ARHGAP5: variants seen among roughly 807,000 people sequenced by gnomAD.
ARHGAP5 encodes the protein rho GTPase-activating protein 5.
A neutral mutation model predicts 116.6 loss-of-function variants in ARHGAP5; 23 were observed. The observed-to-expected ratio is 0.20, with a 90% CI of 0.14 to 0.28. ARHGAP5 has a LOEUF of 0.28. ARHGAP5 is among the 10% of genes least tolerant of loss of function. ARHGAP5 has a pLI of 1.00. For missense variants in ARHGAP5, 1,405 were observed against 1,774.8 expected (o/e 0.79, Z 3.74); for synonymous variants, 574 against 602.0 (o/e 0.95, Z 0.68).
In ARHGAP5 at chr14:32,143,697, T is replaced by A. The variant is rs527986660; in HGVS notation, c.3866-2566T>A. On this transcript the variant is annotated intron_variant, in intron 3 of 6. Coordinates refer to ENST00000345122, the MANE Select transcript of ARHGAP5 (RefSeq NM_001030055.2). ...CTTGGATAATTCACAGCTGGATAAT[T>A]TAGTCTGTTTTTGTTTTTTGAAATC... 1.6e-4 allele frequency among the ~76,000 whole-genome samples: 25 copies of A among 152,314 alleles called. No individual in the cohort carries two copies. The South Asian group carries it at 4.8e-3, about 29-fold the overall frequency.
intron 3 of ARHGAP5, among the ~76,000 whole-genome samples, chr14:32,118,155 G>A (rs990744866): frequency 6.6e-5 from 10 of 152,122 alleles, no homozygotes; most frequent in African/African-American, 1.4e-4. Flanking sequence ...CAGCTAAGTT[G>A]TATATATATT....
chr14:32,125,073 A>G (rs1189887878), intron 3 of ARHGAP5, among the ~76,000 whole-genome samples: 1 of 152,212 alleles, frequency 6.6e-6, no homozygotes, highest in African/African-American at 2.4e-5. Flanking sequence ...CAGGTAGTAT[A>G]TTCACAGTGT....
At chr14:32,152,913 A>G (rs536602472) in intron 6 of ARHGAP5, among the ~76,000 whole-genome samples, 17 of 152,300 alleles carry the variant, frequency 1.1e-4, no homozygotes, top group African/African-American at 4.1e-4. Flanking sequence ...TGTCTCAACT[A>G]TAAACATGAA....
chr14:32,095,171 T>A (rs1878456991), intron 2 of ARHGAP5, among the ~76,000 whole-genome samples: 1 of 152,206 alleles, frequency 6.6e-6, no homozygotes, highest in Admixed American at 6.5e-5. Context: ...CTTCATAGGT[T>A]AAGTCCATAA....
intron 4 of ARHGAP5, 61 bp downstream of exon 4, chr14:32,146,401 T>C: frequency 1.6e-6 from 2 of 1,220,338 alleles, no homozygotes; most frequent in Non-Finnish European, 2.4e-6. Context: ...TTAGAATTCA[T>C]GGTGAGAAGA....
At chr14:32,115,659 G>A (rs1437883037) in intron 2 of ARHGAP5, among the ~76,000 whole-genome samples, 5 of 103,822 alleles carry the variant, frequency 4.8e-5, no homozygotes, top group Non-Finnish European at 9.2e-5. Context: ...GCCAGACTCC[G>A]TCTCAAAAAA....
rs1881928626 is a variant in ARHGAP5, at chr14:32,157,195, A to G, written c.*2247A>G. ...AACCAGTAGGTTACAGTTATTGAAA[A>G]TTAAAGTACAGTTTAAAGCTCAGTC... On this transcript the variant is annotated 3_prime_UTR_variant, in exon 7 of 7. Transcript: ENST00000345122. The G allele has an allele frequency of 6.6e-6, 1 of 152,228 alleles. No individual in the cohort carries two copies. 9.4% of individuals were successfully genotyped at this position (152,228 alleles called of 1,614,324 possible).
At chr14:32,130,717 G>C (rs1333067679) in intron 3 of ARHGAP5, among the ~76,000 whole-genome samples, 1 of 150,902 alleles carries the variant, frequency 6.6e-6, no homozygotes, top group African/African-American at 2.4e-5. Context: ...ATTTTTAGTA[G>C]AGATGGGATT....
chr14:32,145,108 A>AG (rs756189773), intron 3 of ARHGAP5, among the ~76,000 whole-genome samples: 4 of 152,146 alleles, frequency 2.6e-5, no homozygotes, highest in Non-Finnish European at 4.4e-5. Context: ...CCAGCAGGGG[A>AG]GGAGGGCTGC....
At chr14:32,128,797 A>G (rs116718073) in intron 3 of ARHGAP5, among the ~76,000 whole-genome samples, 3,065 of 152,286 alleles carry the variant, frequency 0.02, 79 homozygotes, top group African/African-American at 0.062. Context: ...TTTTGCATCT[A>G]TATTCATAAA....
At chr14:32,119,165 T>C (rs1219866341) in intron 3 of ARHGAP5, among the ~76,000 whole-genome samples, 4 of 152,110 alleles carry the variant, frequency 2.6e-5, no homozygotes, top group African/African-American at 9.6e-5. Flanking sequence ...TAGCAGAAAT[T>C]CCTAATTGCC....
intron 3 of ARHGAP5, among the ~76,000 whole-genome samples, chr14:32,119,729 C>T (rs746420169): frequency 6.6e-6 from 1 of 152,078 alleles, no homozygotes; most frequent in Admixed American, 6.6e-5. Flanking sequence ...GATTTTGTCA[C>T]GTGGTTTTCT....
In ARHGAP5 at chr14:32,159,050, A is replaced by G. The variant is rs1267526781; in HGVS notation, c.*4102A>G. On this transcript the variant is annotated 3_prime_UTR_variant, in exon 7 of 7. Coordinates refer to ENST00000345122, the MANE Select transcript of ARHGAP5 (RefSeq NM_001030055.2). ...CACAGAATCTCATATTCACATCTTA[A>G]TTAAATTGTGTGAAATTAGTCTTTT... 3 of 152,100 alleles carry G rather than the reference A, an allele frequency of 2.0e-5. No homozygotes were observed. In the East Asian group the frequency reaches 5.8e-4, roughly 29 times the overall value. 9.4% of individuals were successfully genotyped at this position (152,100 alleles called of 1,614,324 possible).
At chr14:32,098,491 A>G (rs141312131) in intron 2 of ARHGAP5, among the ~76,000 whole-genome samples, 2 of 152,334 alleles carry the variant, frequency 1.3e-5, no homozygotes, top group African/African-American at 4.8e-5. Flanking sequence ...TTTAATGCTG[A>G]ATACATAGGA....
intron 4 of ARHGAP5, among the ~76,000 whole-genome samples, chr14:32,147,674 G>T (rs1257815407): frequency 1.3e-5 from 2 of 152,024 alleles, no homozygotes; most frequent in African/African-American, 4.8e-5. Flanking sequence ...TTTAAAAGGG[G>T]TGTTGGGGGG....
At chr14:32,094,657 GT>G (rs1878435244) in intron 2 of ARHGAP5, among the ~76,000 whole-genome samples, 1 of 151,906 alleles carries the variant, frequency 6.6e-6, no homozygotes, top group Non-Finnish European at 1.5e-5. Context: ...AAGTGATTTT[GT>G]TCTTAATTTT....
intron 3 of ARHGAP5, among the ~76,000 whole-genome samples, chr14:32,119,736 T>G (rs989793443): frequency 2.6e-5 from 4 of 152,166 alleles, no homozygotes; most frequent in African/African-American, 7.2e-5. Context: ...TCACGTGGTT[T>G]TCTGCATCTG....
In ARHGAP5 at chr14:32,100,659, C is replaced by T. The variant is rs191155898; in HGVS notation, c.3717+6273C>T. On this transcript the variant is annotated intron_variant, in intron 2 of 6. Coordinates refer to ENST00000345122, the MANE Select transcript of ARHGAP5 (RefSeq NM_001030055.2). ...TTTATATAAGGGACTTCAGTGTCCT[C>T]GGATTTTAGTGTCCACAGAGGTCTT... is the stretch of plus-strand genomic sequence containing the variant. Among the ~76,000 whole-genome samples the T allele has an allele frequency of 2.6e-3, 393 of 152,260 alleles. 1 individual carries two copies. Among genetic ancestry groups the T allele is most frequent in the African/African-American group, 9.0e-3 (375 of 41,534 alleles).
intron 4 of ARHGAP5, among the ~76,000 whole-genome samples, chr14:32,146,610 T>A (rs774507463): frequency 6.6e-6 from 1 of 152,126 alleles, no homozygotes. Flanking sequence ...GTACTAGGGA[T>A]TTATAAGAGG....
Sources: gnomAD v4.1 joint callset for allele counts (sites outside exome capture counted in the v4.1 genomes callset) on GRCh38, gnomAD v4.1.1 for gene constraint, MANE v1.5 for transcripts, NCBI Gene and HGNC (gene_info 2026-07-23, HGNC 2026-07-21) for gene names.